Variants in ANKRD11 observed in about 807,000 individuals in gnomAD.
The protein encoded by ANKRD11 is ankyrin repeat domain 11, also known as ankyrin repeat domain-containing protein 11.
A neutral mutation model predicts 195.7 loss-of-function variants in ANKRD11; 17 were observed. The ratio of observed to expected loss-of-function variants is 0.09; its 90% CI spans 0.06 to 0.13. The LOEUF (loss-of-function observed/expected upper bound fraction) is 0.13, where lower values mean the gene tolerates loss of function less well. Ranked by LOEUF, ANKRD11 falls within the 10% of genes least tolerant of loss-of-function variation. The pLI, the probability that ANKRD11 is intolerant of heterozygous loss-of-function variation, is 1.00. For missense variants in ANKRD11, 3,735 were observed against 3,566.1 expected, an observed-to-expected ratio of 1.05 and a Z score of -1.21; for synonymous variants, 1,953 against 1,528.1, an observed-to-expected ratio of 1.28 and a Z score of -6.49.
intron 1 of ANKRD11, among the ~76,000 whole-genome samples, chr16:89,439,486 G>A (rs979998705): frequency 6.6e-6 from 1 of 152,048 alleles, no homozygotes; most frequent in African/African-American, 2.4e-5. Flanking sequence ...CTACACCAAA[G>A]AAAAAACAAG....
chr16:89,318,807 C>T (rs1437095115), intron 2 of ANKRD11, among the ~76,000 whole-genome samples: 6 of 152,182 alleles, frequency 3.9e-5, no homozygotes, highest in Non-Finnish European at 5.9e-5. Flanking sequence ...AGGGACAGGT[C>T]GGGTCAACGT....
chr16:89,456,972 T>C (rs1210844213), intron 1 of ANKRD11, among the ~76,000 whole-genome samples: 1 of 115,022 alleles, frequency 8.7e-6, no homozygotes, highest in Admixed American at 8.9e-5. Context: ...TTTTTTTTTT[T>C]TTTTTGAGAC....
In ANKRD11 at chr16:89,329,464, C is replaced by T. The variant is rs1039297993; in HGVS notation, c.-59-12386G>A. Among the ~76,000 whole-genome samples the T allele has an allele frequency of 9.2e-5, 14 of 152,290 alleles. No homozygotes were observed. The East Asian group carries it at 2.7e-3, about 29-fold the overall frequency. On this transcript the variant is annotated intron_variant, in intron 2 of 12. Coordinates refer to ENST00000301030, the MANE Select transcript of ANKRD11 (RefSeq NM_013275.6). Reference sequence around the variant, plus strand: ...TCCCATGGGTGATGAATAGTCTATACTTTTAGGTGATGGTGTTTCCCCAAC... The same window carrying T: ...TCCCATGGGTGATGAATAGTCTATATTTTTAGGTGATGGTGTTTCCCCAAC...
intron 1 of ANKRD11, among the ~76,000 whole-genome samples, chr16:89,458,454 G>C (rs931768646): frequency 6.6e-6 from 1 of 152,146 alleles, no homozygotes; most frequent in African/African-American, 2.4e-5. Flanking sequence ...TCGATCTCCT[G>C]ACCTCGTGAT....
chr16:89,451,958 G>A (rs552624247), intron 1 of ANKRD11, among the ~76,000 whole-genome samples: 1 of 151,860 alleles, frequency 6.6e-6, no homozygotes, highest in Non-Finnish European at 1.5e-5. Context: ...TTAACCTCTG[G>A]TATCAAATAG....
chr16:89,432,954 C>CAA (rs2043051759), intron 1 of ANKRD11, among the ~76,000 whole-genome samples: 1 of 133,456 alleles, frequency 7.5e-6, no homozygotes, highest in Non-Finnish European at 1.6e-5. Context: ...ATCTCTCTCT[C>CAA]TCTCTCTCTC....
rs763597037 is a variant in ANKRD11, at chr16:89,283,756, C to T, written c.2786G>A (p.Ser929Asn). The change falls in exon 9 of 13, where the codon AGT (serine) becomes AAT (asparagine). Residue 929 changes from serine to asparagine, a missense_variant. By Grantham distance (46) the Ser-to-Asn change is conservative. Coordinates refer to ENST00000301030, the MANE Select transcript of ANKRD11 (RefSeq NM_013275.6). This position sits in a 1 kb window ranked among gnomAD's most constrained non-coding sequence, Gnocchi z 4.3. ...KRKEQTEKHK[S>N]VPGYLSEKDK... ...CTTTTCCGAAAGGTAGCCAGGGACA[C>T]TTTTATGCTTTTCGGTCTGCTCTTT... 1 of 1,613,536 alleles carries T rather than the reference C, an allele frequency of 6.2e-7. No homozygotes were observed. The highest frequency in any genetic ancestry group is 8.5e-7 in the Non-Finnish European group (1 of 1,179,716).
intron 1 of ANKRD11, among the ~76,000 whole-genome samples, chr16:89,470,252 G>A (rs758374770): frequency 3.1e-4 from 47 of 152,002 alleles, no homozygotes; most frequent in Non-Finnish European, 6.2e-4. Context: ...CCAAAAGCGA[G>A]GAAAAATGAA....
intron 2 of ANKRD11, among the ~76,000 whole-genome samples, chr16:89,403,967 G>A (rs2041807924): frequency 6.6e-6 from 1 of 152,180 alleles, no homozygotes; most frequent in Non-Finnish European, 1.5e-5. Flanking sequence ...ATAGGGCACA[G>A]AAAGGAGCAA....
At position 89,316,926 on chromosome 16, in the gene ANKRD11, G is replaced by GC. The variant is rs1567633730; in HGVS notation, c.87+6dup. 6.2e-7 allele frequency: 1 copy of GC among 1,612,806 alleles called. No individual in the cohort carries two copies. The highest frequency in any genetic ancestry group is 8.5e-7 in the Non-Finnish European group (1 of 1,179,538). On this transcript the variant is annotated splice_region_variant and intron_variant, in intron 3 of 12. Transcript: ENST00000301030. ...GAGCATGCAGGGCTGGGAGGGGGCA[G>GC]CATTACCTTTTTCCCAGTCTGCTTC...
intron 1 of ANKRD11, among the ~76,000 whole-genome samples, chr16:89,483,645 A>G (rs2057513908): frequency 6.6e-6 from 1 of 152,178 alleles, no homozygotes; most frequent in Non-Finnish European, 1.5e-5. Context: ...CCTGACCAAC[A>G]CGGAGAAACC....
At chr16:89,445,877 G>A (rs568428527) in intron 1 of ANKRD11, among the ~76,000 whole-genome samples, 24 of 152,028 alleles carry the variant, frequency 1.6e-4, no homozygotes, top group Non-Finnish European at 2.5e-4. Context: ...GCTGAGGCAG[G>A]AGAATCACTT....
intron 1 of ANKRD11, among the ~76,000 whole-genome samples, chr16:89,475,535 A>G (rs957002136): frequency 1.3e-5 from 2 of 152,348 alleles, no homozygotes; most frequent in Non-Finnish European, 1.5e-5. Flanking sequence ...GGTAGAAGAC[A>G]TCGGTAACAT....
chr16:89,475,627 G>A (rs2057231065), intron 1 of ANKRD11, among the ~76,000 whole-genome samples: 1 of 152,048 alleles, frequency 6.6e-6, no homozygotes, highest in African/African-American at 2.4e-5. Context: ...GTTCACACTG[G>A]AAGTCTGAAA....
chr16:89,268,935 G>C (rs2032881767), intron 12 of ANKRD11, among the ~76,000 whole-genome samples: 1 of 152,332 alleles, frequency 6.6e-6, no homozygotes, highest in South Asian at 2.1e-4. Flanking sequence ...GCCCTGCTCT[G>C]GGTGGGCCTG....
At chr16:89,362,416 C>G (rs921336461) in intron 2 of ANKRD11, among the ~76,000 whole-genome samples, 2 of 152,170 alleles carry the variant, frequency 1.3e-5, no homozygotes, top group African/African-American at 4.8e-5. Context: ...CATCTAGACC[C>G]AAACCTAAAT....
At chr16:89,467,007 G>C (rs1329222180) in intron 1 of ANKRD11, among the ~76,000 whole-genome samples, 1 of 152,224 alleles carries the variant, frequency 6.6e-6, no homozygotes, top group Non-Finnish European at 1.5e-5. Flanking sequence ...AAAGGAGCTA[G>C]TTATGAATAA....
rs568689927 is a variant in ANKRD11 at position 89,462,284 on chromosome 16, C to T, written c.-145+27961G>A. Among the ~76,000 whole-genome samples the T allele has an allele frequency of 1.3e-4, 20 of 152,204 alleles. No homozygotes were observed. The South Asian group carries it at 2.1e-3, about 16-fold the overall frequency. On this transcript the variant is annotated intron_variant, in intron 1 of 12. Transcript: ENST00000301030. Reference sequence around the variant, plus strand: ...CGGGGTTTCGCTGTGTTGGCCAGGCCGGTCTCCAGCCCCTAACCGCAAGTG... The same window carrying T: ...CGGGGTTTCGCTGTGTTGGCCAGGCTGGTCTCCAGCCCCTAACCGCAAGTG...
At chr16:89,349,059 C>T (rs71396907) in intron 2 of ANKRD11, among the ~76,000 whole-genome samples, 2 of 126,218 alleles carry the variant, frequency 1.6e-5, no homozygotes, top group Non-Finnish European at 3.1e-5. Context: ...ACCTGGGAGG[C>T]GGAGGTTACA....
Sources: gnomAD v4.1 joint callset for allele counts (sites outside exome capture counted in the v4.1 genomes callset) on GRCh38, gnomAD v4.1.1 for gene constraint, Gnocchi (gnomAD v3.1) non-coding constraint, MANE v1.5 for transcripts, NCBI Gene and HGNC (gene_info 2026-07-23, HGNC 2026-07-21) for gene names.